Variants in BICC1 observed in about 807,000 individuals in gnomAD.
The protein encoded by BICC1 is BicC family RNA binding protein 1.
BICC1 carries 43 observed loss-of-function variants against 111.0 expected under a neutral mutation model. That is an observed-to-expected ratio of 0.39 (90% CI 0.30 to 0.50). The LOEUF is 0.50. Among genes scored for constraint, BICC1 ranks in the 20% least tolerant of loss-of-function variants. The probability of loss-of-function intolerance (pLI) is 0.88; values close to 1 mark genes in which losing one functional copy is unlikely to be tolerated. For synonymous variants in BICC1, 467 were observed against 434.4 expected (o/e 1.07, Z -0.93); for missense variants, 1,091 against 1,203.2 (o/e 0.91, Z 1.38).
At chr10:58,757,481 A>T (rs1001169401) in intron 3 of BICC1, among the ~76,000 whole-genome samples, 1 of 152,172 alleles carries the variant, frequency 6.6e-6, no homozygotes, top group South Asian at 2.1e-4. Flanking sequence ...AGCATTTAAG[A>T]ATGCAGAAGT....
At chr10:58,613,035 T>A (rs1227653388) in intron 1 of BICC1, among the ~76,000 whole-genome samples, 1 of 152,228 alleles carries the variant, frequency 6.6e-6, no homozygotes, top group African/African-American at 2.4e-5. Flanking sequence ...CATCCCATAT[T>A]TCTTGTGAAG....
intron 20 of BICC1, among the ~76,000 whole-genome samples, chr10:58,821,153 G>C (rs1380227663): frequency 1.3e-5 from 2 of 152,146 alleles, no homozygotes; most frequent in East Asian, 3.8e-4. Context: ...CAAATACATA[G>C]TAATGAACCT....
chr10:58,585,015 A>T (rs755432232), intron 1 of BICC1, among the ~76,000 whole-genome samples: 1 of 152,130 alleles, frequency 6.6e-6, no homozygotes, highest in Non-Finnish European at 1.5e-5. Context: ...AATTTCCTTC[A>T]CTTTAGGTTT....
Position 58,658,336 on chromosome 10 carries a change from C to T in BICC1, c.237+37435C>T, listed in dbSNP as rs73294103. ...CTGAGTAGGTGGGATTGTAGGTGCA[C>T]GCCACCAAGTCCAGCTAACTTTTTG... On this transcript the variant is annotated intron_variant, in intron 2 of 20. Coordinates refer to ENST00000373886, the MANE Select transcript of BICC1 (RefSeq NM_001080512.3). 8.7e-3 allele frequency among the ~76,000 whole-genome samples: 1,318 copies of T among 152,096 alleles called. 23 individuals carry two copies. Among genetic ancestry groups the T allele is most frequent in the African/African-American group, 0.03 (1,260 of 41,508 alleles).
At chr10:58,706,017 ATTTC>A (rs773445560) in intron 3 of BICC1, among the ~76,000 whole-genome samples, 3 of 152,182 alleles carry the variant, frequency 2.0e-5, no homozygotes, top group Admixed American at 6.5e-5. Context: ...AATATTTGAT[ATTTC>A]TTCTGTATCA....
chr10:58,707,561 ACT>A (rs887674977), intron 3 of BICC1, among the ~76,000 whole-genome samples: 6 of 151,894 alleles, frequency 4.0e-5, no homozygotes, highest in African/African-American at 1.5e-4. Context: ...ACAGAGTCTC[ACT>A]CTGTCACCCA....
intron 2 of BICC1, among the ~76,000 whole-genome samples, chr10:58,664,363 A>G (rs986274327): frequency 1.3e-5 from 2 of 152,164 alleles, no homozygotes; most frequent in Admixed American, 6.5e-5. Context: ...TTGGTGAAGT[A>G]TATGTTTGAG....
Position 58,621,903 on chromosome 10 carries a change from TTAGAATAGAATAGAATAGAATAGAA to T in BICC1, c.237+1045_237+1069del, listed in dbSNP as rs60609267. 2.9e-4 allele frequency among the ~76,000 whole-genome samples: 13 copies of T among 44,782 alleles called. 3 individuals carry two copies. Among genetic ancestry groups the T allele is most frequent in the East Asian group, 1.1e-3 (2 of 1,830 alleles). 29.4% of individuals were successfully genotyped at this position (44,782 alleles called of 152,430 possible). Reference sequence around the variant, plus strand: ...ACAGAGTGAGACTTTGTCTCTAAAATTAGAATAGAATAGAATAGAATAGAATAGAATAGAATAGAATAGAATAGAA... The same window carrying T: ...ACAGAGTGAGACTTTGTCTCTAAAATTAGAATAGAATAGAATAGAATAGAA... On this transcript the variant is annotated intron_variant, in intron 2 of 20. Coordinates refer to ENST00000373886, the MANE Select transcript of BICC1 (RefSeq NM_001080512.3).
At chr10:58,546,695 C>T (rs1843146023) in intron 1 of BICC1, among the ~76,000 whole-genome samples, 1 of 152,016 alleles carries the variant, frequency 6.6e-6, no homozygotes, top group African/African-American at 2.4e-5. Flanking sequence ...CAGTTGACCA[C>T]AGTTTTACCT....
intron 2 of BICC1, chr10:58,650,005 C>T (rs560826289): frequency 2.6e-5 from 4 of 152,044 alleles, no homozygotes; most frequent in East Asian, 1.9e-4. Context: ...TGACTCACTA[C>T]GTAGCTACAT....
chr10:58,758,404 T>G (rs1421713830), intron 3 of BICC1, among the ~76,000 whole-genome samples: 1 of 152,220 alleles, frequency 6.6e-6, no homozygotes, highest in Non-Finnish European at 1.5e-5. Context: ...AAAATGGAAC[T>G]TGTGATGTAT....
chr10:58,600,371 C>G (rs1005754411), intron 1 of BICC1, among the ~76,000 whole-genome samples: 1 of 151,878 alleles, frequency 6.6e-6, no homozygotes, highest in Non-Finnish European at 1.5e-5. Flanking sequence ...AGCCACGGCC[C>G]GGGAATGGAG....
chr10:58,601,097 G>T (rs1412894431), intron 1 of BICC1, among the ~76,000 whole-genome samples: 4 of 132,290 alleles, frequency 3.0e-5, no homozygotes, highest in Non-Finnish European at 6.3e-5. Flanking sequence ...TTTTACTTGG[G>T]TATTTATGTG....
chr10:58,688,482 C>T (rs1380948771), intron 2 of BICC1, among the ~76,000 whole-genome samples: 2 of 152,118 alleles, frequency 1.3e-5, no homozygotes, highest in African/African-American at 4.8e-5. Flanking sequence ...CCCCCCCTGA[C>T]CCAGAAGCCC....
At chr10:58,788,535 G>A in intron 6 of BICC1, 112 bp downstream of exon 6, 1 of 674,892 alleles carries the variant, frequency 1.5e-6, no homozygotes, top group Non-Finnish European at 2.5e-6. Flanking sequence ...TCAATCAGTA[G>A]GAAATAGTGG....
chr10:58,548,648 G>A (rs1352658071), intron 1 of BICC1, among the ~76,000 whole-genome samples: 1 of 152,060 alleles, frequency 6.6e-6, no homozygotes. Context: ...CACCCCTTCC[G>A]AAACCCCTGG....
chr10:58,742,431 ATTTT>A (rs554670544), intron 3 of BICC1, among the ~76,000 whole-genome samples: 1 of 94,160 alleles, frequency 1.1e-5, no homozygotes, highest in Non-Finnish European at 1.9e-5. Flanking sequence ...GTATGCTTTA[ATTTT>A]TTTTTTTTTT....
chr10:58,759,148 C>CGGGGTTTTGTCATGTTG (rs1842231988), intron 3 of BICC1, among the ~76,000 whole-genome samples: 1 of 151,636 alleles, frequency 6.6e-6, no homozygotes, highest in Non-Finnish European at 1.5e-5. Context: ...TTAGTAGGGA[C>CGGGGTTTTGTCATGTTG]GGGGTTTTGT....
Position 58,513,192 on chromosome 10 carries a change from G to A in BICC1, c.49G>A (p.Gly17Ser). Residue 17 changes from glycine to serine, a missense_variant, in exon 1 of 21, where the codon GGC becomes AGC. Gly to Ser is a moderately conservative substitution (Grantham distance 56). This residue lies in a region of BICC1 where 843 missense variants were observed against 900.8 expected (regional missense o/e 0.94). Coordinates refer to ENST00000373886, the MANE Select transcript of BICC1 (RefSeq NM_001080512.3). ...CTACCTGGCGGCGCAGTCGGACCCCGGCTCCAACAGCGAGCGCAGCACCGA... is the reference window on the plus strand; with the variant it reads ...CTACCTGGCGGCGCAGTCGGACCCCAGCTCCAACAGCGAGCGCAGCACCGA... ...PGYLAAQSDP[G>S]SNSERSTDSP... 6.3e-7 allele frequency: 1 copy of A among 1,593,920 alleles called. No individual in the cohort carries two copies. Among genetic ancestry groups the A allele is most frequent in the East Asian group, 2.4e-5 (1 of 42,480 alleles).
Sources: allele counts gnomAD v4.1 joint callset (sites outside exome capture counted in the v4.1 genomes callset), GRCh38; gene constraint gnomAD v4.1.1; regional missense constraint gnomAD v4.1.1; transcripts MANE v1.5; gene names NCBI Gene and HGNC (gene_info 2026-07-23, HGNC 2026-07-21).